The following LRFN2 variants were observed in gnomAD, a reference collection of about 807,000 sequenced individuals.
The protein encoded by LRFN2 is leucine-rich repeat and fibronectin type-III domain-containing protein 2.
LRFN2 carries 18 observed loss-of-function variants against 37.3 expected under a neutral mutation model. The observed-to-expected ratio is 0.48, with a 90% CI of 0.33 to 0.72. The LOEUF is 0.72. Ranked by LOEUF, LRFN2 falls within the 30% of genes least tolerant of loss-of-function variation. The probability of loss-of-function intolerance (pLI) is 0.02; values close to 1 mark genes in which losing one functional copy is unlikely to be tolerated. For missense variants in LRFN2, 1,006 were observed against 1,060.7 expected (o/e 0.95, Z 0.72); for synonymous variants, 556 against 466.6 (o/e 1.19, Z -2.47).
intron 2 of LRFN2, among the ~76,000 whole-genome samples, chr6:40,425,093 G>C (rs1415310422): frequency 6.6e-6 from 1 of 152,172 alleles, no homozygotes; most frequent in Non-Finnish European, 1.5e-5. Context: ...CCCCAGCCCT[G>C]CAAAACTCAG....
intron 1 of LRFN2, among the ~76,000 whole-genome samples, chr6:40,460,003 C>T (rs753494754): frequency 3.3e-4 from 51 of 152,314 alleles, no homozygotes; most frequent in South Asian, 6.2e-4. Flanking sequence ...CACTGTACAA[C>T]GCTGCCCTCA....
At chr6:40,528,105 T>G (rs450008) in intron 1 of LRFN2, among the ~76,000 whole-genome samples, 99,252 of 152,098 alleles carry the variant, frequency 0.65, 33,565 homozygotes, top group African/African-American at 0.84. Context: ...TCCGCCAGAG[T>G]TTAAACACTT....
At chr6:40,546,705 C>T (rs997642197) in intron 1 of LRFN2, among the ~76,000 whole-genome samples, 2 of 152,158 alleles carry the variant, frequency 1.3e-5, no homozygotes, top group Non-Finnish European at 2.9e-5. Flanking sequence ...ATTGACTCTT[C>T]CAGGAACTGT....
chr6:40,536,834 C>A (rs983561944), intron 1 of LRFN2, among the ~76,000 whole-genome samples: 1 of 152,184 alleles, frequency 6.6e-6, no homozygotes, highest in African/African-American at 2.4e-5. Flanking sequence ...TGGCCCCTGG[C>A]GAAGGCACCC....
intron 1 of LRFN2, among the ~76,000 whole-genome samples, chr6:40,494,042 T>C (rs1765162840): frequency 6.6e-6 from 1 of 152,216 alleles, no homozygotes; most frequent in Non-Finnish European, 1.5e-5. Context: ...GAGAGGAGCT[T>C]CTTGCTAATG....
At chr6:40,481,901 T>C (rs1764839697) in intron 1 of LRFN2, among the ~76,000 whole-genome samples, 1 of 152,212 alleles carries the variant, frequency 6.6e-6, no homozygotes, top group Non-Finnish European at 1.5e-5. Context: ...GGCCAGACCA[T>C]GCAATGATGC....
At chr6:40,500,548 C>G (rs78880613) in intron 1 of LRFN2, among the ~76,000 whole-genome samples, 7 of 152,138 alleles carry the variant, frequency 4.6e-5, no homozygotes, top group Non-Finnish European at 1.0e-4. Context: ...AAGCAGTGTA[C>G]AAGGAAATAA....
intron 2 of LRFN2, 142 bp from the exon 3 acceptor site, chr6:40,393,054 G>T: frequency 1.4e-6 from 1 of 710,404 alleles, no homozygotes. Flanking sequence ...GGGACACAGA[G>T]AGAATGGGGC....
At chr6:40,523,586 G>C (rs923318652) in intron 1 of LRFN2, among the ~76,000 whole-genome samples, 1 of 141,516 alleles carries the variant, frequency 7.1e-6, no homozygotes, top group African/African-American at 2.6e-5. Context: ...CAGAGGCTAC[G>C]AATAATACCT....
Position 40,452,695 on chromosome 6 carries a change from A to C in LRFN2, c.-18-19564T>G, listed in dbSNP as rs144621782. Among the ~76,000 whole-genome samples, 53 of 152,312 alleles carry C rather than the reference A, an allele frequency of 3.5e-4. No homozygotes were observed. In the East Asian group the frequency reaches 3.5e-3, roughly 10 times the overall value. On this transcript the variant is annotated intron_variant, in intron 1 of 2. Transcript: ENST00000338305. ...CACGCAGACCACAAGTAGCATAGAA[A>C]TGACTGAGGACATAAGGGAGGTTCC...
At chr6:40,484,633 C>A (rs747892994) in intron 1 of LRFN2, among the ~76,000 whole-genome samples, 1 of 152,314 alleles carries the variant, frequency 6.6e-6, no homozygotes, top group Non-Finnish European at 1.5e-5. Flanking sequence ...CTCCTCCACT[C>A]CCACCCCTGG....
chr6:40,548,440 C>CAAAAAAAAAAAAA (rs67639435), intron 1 of LRFN2, among the ~76,000 whole-genome samples: 1 of 142,650 alleles, frequency 7.0e-6, no homozygotes, highest in Non-Finnish European at 1.6e-5. Flanking sequence ...GACTCCATCT[C>CAAAAAAAAAAAAA]AAAAAAAAAA....
rs904154047 is a variant in LRFN2 at position 40,392,966 on chromosome 6, G to C, written c.1401-54C>G. ...AGGGGTGGTGGGGTGGAAGGACAGGGTGATGGGGAGTGGACAGAGGTAGAA... is the reference window on the plus strand; with the variant it reads ...AGGGGTGGTGGGGTGGAAGGACAGGCTGATGGGGAGTGGACAGAGGTAGAA... On this transcript the variant is annotated intron_variant, in intron 2 of 2. Transcript: ENST00000338305. The surrounding 1 kb of genome is among the most constrained non-coding windows in gnomAD (Gnocchi z 4.7). 6.7e-7 allele frequency: 1 copy of C among 1,493,712 alleles called. No homozygotes were observed. The highest frequency in any genetic ancestry group is 1.8e-5 in the Admixed American group (1 of 54,476). 92.5% of individuals were successfully genotyped at this position (1,493,712 alleles called of 1,614,324 possible). A position where few individuals can be genotyped will look rare whatever the true frequency, so the allele number is the denominator to read the frequency against.
intron 1 of LRFN2, among the ~76,000 whole-genome samples, chr6:40,470,804 C>A (rs1764577483): frequency 6.6e-6 from 1 of 152,188 alleles, no homozygotes; most frequent in South Asian, 2.1e-4. Flanking sequence ...ACACAGGCAC[C>A]TGCTGGGCCT....
intron 1 of LRFN2, among the ~76,000 whole-genome samples, chr6:40,539,111 C>T (rs1766505158): frequency 6.6e-6 from 1 of 152,090 alleles, no homozygotes. Flanking sequence ...CCCCATCCCC[C>T]TCCTTGAGAA....
At chr6:40,417,005 T>C (rs1003391477) in intron 2 of LRFN2, among the ~76,000 whole-genome samples, 1 of 152,164 alleles carries the variant, frequency 6.6e-6, no homozygotes, top group African/African-American at 2.4e-5. Context: ...CTGGGAGAAG[T>C]AGCTCCCCAC....
intron 1 of LRFN2, among the ~76,000 whole-genome samples, chr6:40,435,014 CATATATATATATATATATATAT>C (rs368583078): frequency 4.2e-5 from 2 of 48,014 alleles, no homozygotes; most frequent in East Asian, 6.5e-4. Flanking sequence ...AATGGTTTTA[CATATATATATATATATATATAT>C]ATATATATAT....
intron 2 of LRFN2, among the ~76,000 whole-genome samples, chr6:40,422,083 A>T (rs1242613804): frequency 6.6e-6 from 1 of 152,202 alleles, no homozygotes; most frequent in Non-Finnish European, 1.5e-5. Context: ...GGTAAAAAAA[A>T]TGGCTCCAGT....
chr6:40,544,950 G>A (rs1766629655), intron 1 of LRFN2, among the ~76,000 whole-genome samples: 1 of 152,324 alleles, frequency 6.6e-6, no homozygotes, highest in Non-Finnish European at 1.5e-5. Context: ...TGCTGCCAAT[G>A]AGGGGAGTGT....
Sources: gnomAD v4.1 joint callset for allele counts (sites outside exome capture counted in the v4.1 genomes callset) on GRCh38, gnomAD v4.1.1 for gene constraint, Gnocchi (gnomAD v3.1) non-coding constraint, MANE v1.5 for transcripts, NCBI Gene and HGNC (gene_info 2026-07-23, HGNC 2026-07-21) for gene names.